LRRC69: variants seen among roughly 807,000 people sequenced by gnomAD.
The protein encoded by LRRC69 is leucine rich repeat containing 69.
In LRRC69, 42 loss-of-function variants were observed where a neutral mutation model predicts 37.8. The observed-to-expected ratio is 1.11, with a 90% CI of 0.87 to 1.44. The LOEUF is 1.44. LRRC69 is among the 40% of genes most tolerant of loss of function. LRRC69 has a pLI of 0.00. For missense variants in LRRC69, 357 were observed against 401.9 expected, an observed-to-expected ratio of 0.89 and a Z score of 0.96; for synonymous variants, 141 against 143.1, an observed-to-expected ratio of 0.99 and a Z score of 0.11.
chr8:91,144,640 A>T (rs535196393), intron 5 of LRRC69, among the ~76,000 whole-genome samples: 15 of 151,856 alleles, frequency 9.9e-5, no homozygotes, highest in Non-Finnish European at 1.5e-4. Context: ...TTTCTTGGAT[A>T]TTTTTAATTT....
At chr8:91,219,070 C>T, downstream of LRRC69, 2 of 729,318 alleles carry the variant, frequency 2.7e-6, no homozygotes, top group Non-Finnish European at 4.5e-6. Context: ...AGATTATGCC[C>T]TACTTAAGAT....
intron 7 of LRRC69, among the ~76,000 whole-genome samples, chr8:91,213,537 A>G (rs1809976040): frequency 6.6e-6 from 1 of 152,242 alleles, no homozygotes; most frequent in African/African-American, 2.4e-5. Context: ...TGCTAAGTAC[A>G]ATGCGAATAA....
chr8:91,148,411 C>T (rs1289049808), intron 5 of LRRC69, among the ~76,000 whole-genome samples: 1 of 151,822 alleles, frequency 6.6e-6, no homozygotes, highest in Non-Finnish European at 1.5e-5. Context: ...AGGACATGAA[C>T]TCATCATTTT....
intron 1 of LRRC69, among the ~76,000 whole-genome samples, chr8:91,103,054 A>C (rs996206417): frequency 6.6e-6 from 1 of 152,246 alleles, no homozygotes; most frequent in African/African-American, 2.4e-5. Flanking sequence ...CAATTTATTC[A>C]TGTGCTCTTT....
chr8:91,117,687 T>C (rs1813535390), intron 1 of LRRC69, among the ~76,000 whole-genome samples: 1 of 151,600 alleles, frequency 6.6e-6, no homozygotes, highest in African/African-American at 2.4e-5. Context: ...GGGGTTTTTA[T>C]TGGCCACAGA....
chr8:91,116,410 C>G (rs909895589), intron 1 of LRRC69, among the ~76,000 whole-genome samples: 3 of 151,898 alleles, frequency 2.0e-5, no homozygotes, highest in Non-Finnish European at 4.4e-5. Flanking sequence ...TGTGCTTTGC[C>G]TACTGCACAA....
At chr8:91,106,359 A>G (rs1381124196) in intron 1 of LRRC69, among the ~76,000 whole-genome samples, 1 of 151,974 alleles carries the variant, frequency 6.6e-6, no homozygotes, top group East Asian at 1.9e-4. Context: ...TTTTGGTCAT[A>G]TTTCCCACAG....
At chr8:91,108,453 G>C (rs1813356926) in intron 1 of LRRC69, among the ~76,000 whole-genome samples, 1 of 152,034 alleles carries the variant, frequency 6.6e-6, no homozygotes, top group Non-Finnish European at 1.5e-5. Context: ...TATTACAATT[G>C]TGAAATATTA....
At chr8:91,203,981 G>T (rs1809755680) in intron 7 of LRRC69, among the ~76,000 whole-genome samples, 1 of 151,962 alleles carries the variant, frequency 6.6e-6, no homozygotes, top group South Asian at 2.1e-4. Context: ...AATTAGCCGG[G>T]TGTGGTGGCG....
At chr8:91,127,185 G>C (rs1202936096) in intron 3 of LRRC69, 25 bp downstream of exon 3, 3 of 1,525,808 alleles carry the variant, frequency 2.0e-6, no homozygotes, top group Non-Finnish European at 2.7e-6. Context: ...AGCAAGACTT[G>C]GTTAACAATC....
chr8:91,126,962 A>G (rs558186879), intron 2 of LRRC69, 126 bp from the exon 3 acceptor site: 5 of 679,924 alleles, frequency 7.4e-6, no homozygotes, highest in South Asian at 5.2e-5. Context: ...GGTTTCTGTT[A>G]CCACCACCAA....
At position 91,124,479 on chromosome 8, in the gene LRRC69, CTA is replaced by C. The variant is rs1563596645; in HGVS notation, c.184-10_184-9del. On this transcript the variant is annotated splice_polypyrimidine_tract_variant and intron_variant, in intron 1 of 7. Coordinates refer to ENST00000448384, the Ensembl canonical transcript of LRRC69. Reference sequence around the variant, plus strand: ...GATGATATATGAGTCCATTAAACCTCTATATGTTTGCAGTTGACAACACTAAA... The same window carrying C: ...GATGATATATGAGTCCATTAAACCTCTATGTTTGCAGTTGACAACACTAAA... 2.0e-6 allele frequency: 3 copies of C among 1,519,814 alleles called. No individual in the cohort carries two copies. Among genetic ancestry groups the C allele is most frequent in the Non-Finnish European group, 2.6e-6 (3 of 1,133,674 alleles). The allele number at this position is 1,519,814 out of a possible 1,614,324, so 94.1% of individuals were successfully genotyped here.
chr8:91,117,922 T>C (rs533837149), intron 1 of LRRC69, among the ~76,000 whole-genome samples: 3 of 151,866 alleles, frequency 2.0e-5, no homozygotes, highest in Admixed American at 6.6e-5. Flanking sequence ...CTGGAAATTA[T>C]GTCCTGAGGG....
intron 7 of LRRC69, among the ~76,000 whole-genome samples, chr8:91,211,971 G>A (rs1046040943): frequency 7.9e-5 from 12 of 151,984 alleles, no homozygotes; most frequent in African/African-American, 2.9e-4. Flanking sequence ...GATGAGGATT[G>A]GAAAATAGTC....
intron 1 of LRRC69, among the ~76,000 whole-genome samples, chr8:91,116,523 C>G (rs1229766885): frequency 7.4e-6 from 1 of 134,690 alleles, no homozygotes; most frequent in African/African-American, 2.5e-5. Context: ...TGTGTGTGAG[C>G]ATATGTGTCT....
intron 5 of LRRC69, chr8:91,158,116 A>G (rs1411908952): frequency 6.4e-7 from 1 of 1,563,088 alleles, no homozygotes; most frequent in Non-Finnish European, 8.8e-7. Flanking sequence ...CATTTATTCC[A>G]GCATTACCAG....
chr8:91,167,718 C>G lies in LRRC69; in HGVS notation c.652-21804C>G, dbSNP rs185608464. ...GTTTCAAGCTACCAATATAATGTCACTAAAAGCCATGTTGGACATTGATGC... is the reference window on the plus strand; with the variant it reads ...GTTTCAAGCTACCAATATAATGTCAGTAAAAGCCATGTTGGACATTGATGC... On this transcript the variant is annotated intron_variant, in intron 5 of 7. Transcript: ENST00000448384. Among the ~76,000 whole-genome samples, 40 of 152,094 alleles carry G rather than the reference C, an allele frequency of 2.6e-4. 2 individuals carry two copies. The East Asian group carries it at 7.8e-3, about 29-fold the overall frequency.
intron 7 of LRRC69, among the ~76,000 whole-genome samples, chr8:91,204,749 C>G (rs933331832): frequency 5.3e-5 from 8 of 152,230 alleles, no homozygotes; most frequent in African/African-American, 1.9e-4. Flanking sequence ...ACATTTCTAA[C>G]TCCTGGATGA....
At chr8:91,135,925 C>G (rs1249496896) in intron 5 of LRRC69, among the ~76,000 whole-genome samples, 186 bp downstream of exon 5, 1 of 151,836 alleles carries the variant, frequency 6.6e-6, no homozygotes, top group Non-Finnish European at 1.5e-5. Context: ...TGTTCTGTGC[C>G]TGCTGAACTT....
Sources: allele counts gnomAD v4.1 joint callset (sites outside exome capture counted in the v4.1 genomes callset), GRCh38; gene constraint gnomAD v4.1.1; transcripts MANE v1.5; gene names NCBI Gene and HGNC (gene_info 2026-07-23, HGNC 2026-07-21).